Variants in ADARB1 observed in about 807,000 individuals in gnomAD.
ADARB1 encodes double-stranded RNA-specific editase 1.
A neutral mutation model predicts 52.4 loss-of-function variants in ADARB1; 10 were observed. That is an observed-to-expected ratio of 0.19 (90% CI 0.12 to 0.32). The LOEUF (loss-of-function observed/expected upper bound fraction) is 0.32, where lower values mean the gene tolerates loss of function less well. Among genes scored for constraint, ADARB1 ranks in the 10% least tolerant of loss-of-function variants. The probability of loss-of-function intolerance (pLI) is 1.00; values close to 1 mark genes in which losing one functional copy is unlikely to be tolerated. For synonymous variants in ADARB1, 349 were observed against 371.1 expected, an observed-to-expected ratio of 0.94 and a Z score of 0.68; for missense variants, 643 against 922.3, an observed-to-expected ratio of 0.70 and a Z score of 3.92.
chr21:45,113,753 G>A (rs764365424), intron 1 of ADARB1, among the ~76,000 whole-genome samples: 22 of 151,966 alleles, frequency 1.4e-4, no homozygotes, highest in Admixed American at 8.5e-4. Flanking sequence ...TCGGTGTTTC[G>A]GGAGCCCTTA....
rs533395786 is a variant in ADARB1, at chr21:45,094,788, T to A, written c.-220+19995T>A. ...TTGCTTTCATGGAAATTTCTAGTGA[T>A]GCAGATGTCTGTATATCAAGTACTC... On this transcript the variant is annotated intron_variant, in intron 1 of 10. Transcript: ENST00000348831. Among the ~76,000 whole-genome samples the A allele has an allele frequency of 2.0e-5, 3 of 152,152 alleles. No homozygotes were observed. In the South Asian group the frequency reaches 6.2e-4, roughly 32 times the overall value.
chr21:45,106,719 A>C (rs116825390), intron 1 of ADARB1, among the ~76,000 whole-genome samples: 2 of 152,240 alleles, frequency 1.3e-5, no homozygotes, highest in Non-Finnish European at 2.9e-5. Flanking sequence ...AAAGGTAAAG[A>C]AGGTATTGTT....
chr21:45,103,621 A>C (rs1213426436), intron 1 of ADARB1, among the ~76,000 whole-genome samples: 2 of 152,008 alleles, frequency 1.3e-5, no homozygotes, highest in Non-Finnish European at 2.9e-5. Context: ...AATCAGTGCA[A>C]GAACTGATTC....
intron 8 of ADARB1, among the ~76,000 whole-genome samples, chr21:45,203,210 GC>G (rs141939000): frequency 0.024 from 3,583 of 152,188 alleles, 67 homozygotes; most frequent in South Asian, 0.055. Flanking sequence ...CTGCCCCTCT[GC>G]CCTGGCTGCC....
At position 45,221,127 on chromosome 21, in the gene ADARB1, A is replaced by G. The variant is rs2092957961; in HGVS notation, c.1926+113A>G. The G allele has an allele frequency of 1.6e-6, 2 of 1,237,726 alleles. No individual in the cohort carries two copies. The highest frequency in any genetic ancestry group is 5.2e-5 in the East Asian group (2 of 38,824). The allele number at this position is 1,237,726 out of a possible 1,614,324, so 76.7% of individuals were successfully genotyped here. ...ATCATGTCATCATGCACAGCTTCCG[A>G]AAACGATCACTTGGAATGATTCTTC... On this transcript the variant is annotated intron_variant, in intron 10 of 10. Coordinates refer to ENST00000348831, the MANE Select transcript of ADARB1 (RefSeq NM_001112.4). This position sits in a 1 kb window ranked among gnomAD's most constrained non-coding sequence, Gnocchi z 4.9.
At chr21:45,133,593 G>C (rs1267333679) in intron 2 of ADARB1, 1 of 204,434 alleles carries the variant, frequency 4.9e-6, no homozygotes, top group Non-Finnish European at 1.0e-5. Context: ...AGTGTACAAG[G>C]TGTGTACCCC....
intron 1 of ADARB1, among the ~76,000 whole-genome samples, chr21:45,095,580 C>G (rs537243492): frequency 6.6e-6 from 1 of 151,296 alleles, no homozygotes; most frequent in South Asian, 2.1e-4. Context: ...GTTCTGCATC[C>G]CGCTGTTTCA....
rs1207410576 is a variant in ADARB1 at position 45,175,859 on chromosome 21, G to A, written c.158G>A (p.Arg53Gln). 6 of 1,613,822 alleles carry A rather than the reference G, an allele frequency of 3.7e-6. No homozygotes were observed. The highest frequency in any genetic ancestry group is 3.4e-6 in the Non-Finnish European group (4 of 1,179,892). The change falls in exon 4 of 11, where the codon CGG becomes CAG. Residue 53 changes from arginine to glutamine, a missense_variant. Around this residue, in one of 2 missense-constraint regions of ADARB1, gnomAD observed 380 missense variants for 446.5 expected, o/e 0.85. Transcript: ENST00000348831. The stretch of plus-strand genomic sequence containing the variant: ...GGTGGTGGTGGCCCCGGCAGAAAGC[G>A]GCCCCTGGAGGAGGGCAGCAATGGC... ...NGGGGGPGRK[R>Q]PLEEGSNGHS...
At chr21:45,131,756 G>A (rs996628728) in intron 2 of ADARB1, among the ~76,000 whole-genome samples, 4 of 152,256 alleles carry the variant, frequency 2.6e-5, no homozygotes, top group African/African-American at 9.6e-5. Context: ...TGCGTCTTTA[G>A]GGGCTGGCAC....
intron 2 of ADARB1, among the ~76,000 whole-genome samples, chr21:45,130,831 T>G (rs554163475): frequency 9.8e-5 from 15 of 152,304 alleles, no homozygotes; most frequent in Non-Finnish European, 1.9e-4. Context: ...TGTGTTTTTA[T>G]ACATGAGATT....
intron 1 of ADARB1, among the ~76,000 whole-genome samples, chr21:45,098,494 G>A (rs1569005038): frequency 2.0e-5 from 3 of 152,018 alleles, no homozygotes; most frequent in Non-Finnish European, 2.9e-5. Flanking sequence ...ATCCCGTCCT[G>A]ACCTGCCTGT....
Position 45,225,761 on chromosome 21 carries a change from A to G in ADARB1, c.*3564A>G, listed in dbSNP as rs2093050383. Reference sequence around the variant, plus strand: ...AATTGGCCATCTTTCCCACCTCTAAATTCTGTAAAATTATAGACTTGCTCA... The same window carrying G: ...AATTGGCCATCTTTCCCACCTCTAAGTTCTGTAAAATTATAGACTTGCTCA... On this transcript the variant is annotated 3_prime_UTR_variant, in exon 11 of 11. Coordinates refer to ENST00000348831, the MANE Select transcript of ADARB1 (RefSeq NM_001112.4). The G allele has an allele frequency of 2.5e-6, 1 of 404,178 alleles. No homozygotes were observed. Among genetic ancestry groups the G allele is most frequent in the African/African-American group, 2.1e-5 (1 of 48,754 alleles). The allele number at this position is 404,178 out of a possible 1,614,324, so 25.0% of individuals were successfully genotyped here.
rs1409115774 is a variant in ADARB1, at chr21:45,224,020, C to T, written c.*1823C>T. 12 of 985,318 alleles carry T rather than the reference C, an allele frequency of 1.2e-5. No homozygotes were observed. Among genetic ancestry groups the T allele is most frequent in the Admixed American group, 6.1e-5 (1 of 16,266 alleles). The allele number at this position is 985,318 out of a possible 1,614,324, so 61.0% of individuals were successfully genotyped here. On this transcript the variant is annotated 3_prime_UTR_variant, in exon 11 of 11. Transcript: ENST00000348831. ...AGTGGGGTTTTGTTCAGGCAGATCG[C>T]GCTGGGGTTCTGCACCTGCAGAAGG...
At chr21:45,120,250 G>T (rs770937293) in intron 1 of ADARB1, among the ~76,000 whole-genome samples, 3 of 152,206 alleles carry the variant, frequency 2.0e-5, no homozygotes, top group Admixed American at 6.5e-5. Flanking sequence ...GGCCTCTACC[G>T]CACGGACAAG....
intron 1 of ADARB1, among the ~76,000 whole-genome samples, chr21:45,127,660 C>A (rs1343490546): frequency 2.0e-5 from 3 of 152,092 alleles, no homozygotes; most frequent in Non-Finnish European, 4.4e-5. Context: ...CGCACCTTAT[C>A]CCACACTTCA....
At chr21:45,195,896 C>G (rs975650492) in intron 8 of ADARB1, among the ~76,000 whole-genome samples, 5 of 152,098 alleles carry the variant, frequency 3.3e-5, no homozygotes, top group African/African-American at 1.2e-4. Flanking sequence ...TTCTGGATTT[C>G]CCTTTTTATA....
chr21:45,174,596 G>A (rs946783586), intron 3 of ADARB1, among the ~76,000 whole-genome samples: 4 of 152,104 alleles, frequency 2.6e-5, no homozygotes, highest in Admixed American at 2.6e-4. Context: ...CCAGCTACTC[G>A]GGAGGCTGAG....
In ADARB1 at chr21:45,176,031, C is replaced by T; in HGVS notation, c.330C>T (p.Val110=). 6.2e-7 allele frequency: 1 copy of T among 1,614,200 alleles called. No individual in the cohort carries two copies. The highest frequency in any genetic ancestry group is 8.5e-7 in the Non-Finnish European group (1 of 1,180,034). The change falls in exon 4 of 11, where the codon GTC becomes GTT. Residue 110 remains valine, a synonymous_variant. Transcript: ENST00000348831. The surrounding 1 kb of genome is among the most constrained non-coding windows in gnomAD (Gnocchi z 5.8). ...GGCCCGTGCACGCGCCTTTGTTTGT[C>T]ATGTCTGTGGAGGTGAATGGCCAGG... is the stretch of plus-strand genomic sequence containing the variant. ...QTGPVHAPLF[V]MSVEVNGQVF...
At position 45,148,730 on chromosome 21, in the gene ADARB1, G is replaced by A. The variant is rs111233918; in HGVS notation, c.-48+20157G>A. 6.1e-3 allele frequency among the ~76,000 whole-genome samples: 926 copies of A among 152,246 alleles called. 12 individuals carry two copies. The highest frequency in any genetic ancestry group is 0.021 in the African/African-American group (876 of 41,544). ...GATGCATTCGCCAGCAGCTGGGCTCGGCTTTGCTCTAACATCCGCCCCTCC... is the reference window on the plus strand; with the variant it reads ...GATGCATTCGCCAGCAGCTGGGCTCAGCTTTGCTCTAACATCCGCCCCTCC... On this transcript the variant is annotated intron_variant, in intron 2 of 10. Coordinates refer to ENST00000348831, the MANE Select transcript of ADARB1 (RefSeq NM_001112.4).
Sources: allele counts gnomAD v4.1 joint callset (sites outside exome capture counted in the v4.1 genomes callset), GRCh38; gene constraint gnomAD v4.1.1; regional missense constraint gnomAD v4.1.1; non-coding constraint Gnocchi (gnomAD v3.1); transcripts MANE v1.5; gene names NCBI Gene and HGNC (gene_info 2026-07-23, HGNC 2026-07-21).